Variants in NYAP2 observed in about 807,000 individuals in gnomAD.
NYAP2 encodes the protein neuronal tyrosine-phosphorylated phosphoinositide-3-kinase adapter 2.
In NYAP2, 23 loss-of-function variants were observed where a neutral mutation model predicts 50.4. The observed-to-expected ratio is 0.46, with a 90% CI of 0.33 to 0.65. NYAP2 has a LOEUF of 0.65. Among genes scored for constraint, NYAP2 ranks in the 30% least tolerant of loss-of-function variants. The pLI is 0.02. For missense variants in NYAP2, 885 were observed against 861.0 expected (o/e 1.03, Z -0.35); for synonymous variants, 394 against 365.2 (o/e 1.08, Z -0.90).
chr2:225,621,923 T>C (rs1380464935), intron 5 of NYAP2, among the ~76,000 whole-genome samples: 2 of 152,156 alleles, frequency 1.3e-5, no homozygotes, highest in African/African-American at 4.8e-5. Context: ...GCCTGTACCA[T>C]GTTGTGTTGA....
intron 3 of NYAP2, among the ~76,000 whole-genome samples, chr2:225,474,687 C>T (rs977927484): frequency 6.6e-6 from 1 of 152,230 alleles, no homozygotes; most frequent in Non-Finnish European, 1.5e-5. Context: ...CTGAAGTTGC[C>T]TATCAGCTTA....
intron 5 of NYAP2, among the ~76,000 whole-genome samples, chr2:225,618,333 C>G (rs1448238837): frequency 6.6e-6 from 1 of 152,166 alleles, no homozygotes; most frequent in Non-Finnish European, 1.5e-5. Flanking sequence ...CCTCATGTCA[C>G]CTAGTAGTCC....
intron 4 of NYAP2, among the ~76,000 whole-genome samples, chr2:225,565,130 C>CAA (rs576392809): frequency 0.08 from 10,673 of 132,814 alleles, 1,297 homozygotes; most frequent in African/African-American, 0.27. Context: ...CACTCCGTCT[C>CAA]AAAAAAAAAA....
chr2:225,582,302 G>C lies in NYAP2; in HGVS notation c.885G>C (p.Gln295His), dbSNP rs750944103. ...TCGACCATCACAGCTGTTCTTCGCA[G>C]TGTGCTACTCCCACGGTGCCTGACT... The change falls in exon 5 of 7, where the codon CAG (glutamine) becomes CAC (histidine). Residue 295 changes from glutamine to histidine, a missense_variant. By Grantham distance (24) the Gln-to-His change is conservative. Transcript: ENST00000636099. This position sits in a 1 kb window ranked among gnomAD's most constrained non-coding sequence, Gnocchi z 7.0. The C allele has an allele frequency of 1.9e-6, 3 of 1,614,030 alleles. No homozygotes were observed.
At chr2:225,502,033 T>C (rs1325781436) in intron 3 of NYAP2, among the ~76,000 whole-genome samples, 1 of 152,180 alleles carries the variant, frequency 6.6e-6, no homozygotes, top group Non-Finnish European at 1.5e-5. Context: ...TGGCATAGAA[T>C]CCAGACCTTA....
At chr2:225,660,437 A>T in the NYAP2 span, among the ~76,000 whole-genome samples, 1 of 110,926 alleles carries the variant, frequency 9.0e-6, no homozygotes, top group African/African-American at 3.0e-5. Flanking sequence ...GAGACACAGG[A>T]TACATTTTTT....
intron 4 of NYAP2, among the ~76,000 whole-genome samples, chr2:225,515,587 AT>A (rs1216462986): frequency 3.3e-5 from 5 of 152,202 alleles, no homozygotes; most frequent in African/African-American, 9.6e-5. Context: ...CTTATAACAC[AT>A]TTTTTTAAGA....
chr2:225,441,699 G>C (rs1689473715), intron 3 of NYAP2, among the ~76,000 whole-genome samples: 1 of 152,116 alleles, frequency 6.6e-6, no homozygotes. Context: ...CATGAGAACA[G>C]CATGAGAGAA....
At chr2:225,467,136 T>C (rs1403773789) in intron 3 of NYAP2, among the ~76,000 whole-genome samples, 1 of 152,108 alleles carries the variant, frequency 6.6e-6, no homozygotes, top group East Asian at 1.9e-4. Context: ...GAGGAGAACA[T>C]GCGCAGTGTG....
intron 3 of NYAP2, among the ~76,000 whole-genome samples, chr2:225,453,099 GT>G: frequency 6.6e-6 from 1 of 152,154 alleles, no homozygotes. Flanking sequence ...ATGCAACTCA[GT>G]ATGTCTTCTG....
rs1466237370 is a variant in NYAP2 at position 225,433,537 on chromosome 2, G to A, written c.221+24436G>A. ...TAAAAAAAAATTTAAAATATATATAGCAAAATATGATATTAAGTGATATGT... is the reference window on the plus strand; with the variant it reads ...TAAAAAAAAATTTAAAATATATATAACAAAATATGATATTAAGTGATATGT... On this transcript the variant is annotated intron_variant, in intron 3 of 6. Coordinates refer to ENST00000636099, the Ensembl canonical transcript of NYAP2. Among the ~76,000 whole-genome samples, 3 of 151,966 alleles carry A rather than the reference G, an allele frequency of 2.0e-5. No homozygotes were observed. In the East Asian group the frequency reaches 5.8e-4, roughly 29 times the overall value.
the NYAP2 span, chr2:225,703,033 T>C: frequency 2.6e-5 from 4 of 151,794 alleles, no homozygotes; most frequent in South Asian, 2.1e-4. Context: ...ACATTTATAG[T>C]GTAGCAACTT....
chr2:225,508,172 G>C (rs1018628472), intron 3 of NYAP2, among the ~76,000 whole-genome samples: 3 of 152,172 alleles, frequency 2.0e-5, no homozygotes, highest in Non-Finnish European at 2.9e-5. Context: ...TATGAAACTT[G>C]TTTTTATTTT....
intron 4 of NYAP2, among the ~76,000 whole-genome samples, chr2:225,557,690 G>A (rs1189358981): frequency 6.6e-6 from 1 of 152,032 alleles, no homozygotes; most frequent in Non-Finnish European, 1.5e-5. Flanking sequence ...ATTCTAATGA[G>A]GGTCACAATA....
At chr2:225,637,373 T>G (rs1022086174) in intron 6 of NYAP2, among the ~76,000 whole-genome samples, 7 of 152,322 alleles carry the variant, frequency 4.6e-5, no homozygotes, top group African/African-American at 1.7e-4. Context: ...TCTAACTTCC[T>G]GCTTGGCTCC....
intron 3 of NYAP2, among the ~76,000 whole-genome samples, chr2:225,435,379 T>A (rs570764840): frequency 6.6e-6 from 1 of 152,288 alleles, no homozygotes; most frequent in African/African-American, 2.4e-5. Flanking sequence ...TAAATACAAA[T>A]GAAAGTGAGT....
At chr2:225,482,519 C>G (rs939664286) in intron 3 of NYAP2, among the ~76,000 whole-genome samples, 2 of 152,146 alleles carry the variant, frequency 1.3e-5, no homozygotes, top group African/African-American at 2.4e-5. Context: ...GAAAGTACTG[C>G]TACTAATGAT....
chr2:225,415,977 G>A (rs1029129764), intron 3 of NYAP2, among the ~76,000 whole-genome samples: 1 of 152,114 alleles, frequency 6.6e-6, no homozygotes, highest in Non-Finnish European at 1.5e-5. Context: ...GATCTGATCT[G>A]ATGTGAATTT....
At chr2:225,609,584 C>G (rs1329578361) in intron 5 of NYAP2, among the ~76,000 whole-genome samples, 13 of 152,070 alleles carry the variant, frequency 8.5e-5, no homozygotes, top group Admixed American at 7.9e-4. Flanking sequence ...GATAGAGGCT[C>G]TAGATGGGCA....
Sources: gnomAD v4.1 joint callset for allele counts (sites outside exome capture counted in the v4.1 genomes callset) on GRCh38, gnomAD v4.1.1 for gene constraint, Gnocchi (gnomAD v3.1) non-coding constraint, MANE v1.5 for transcripts, NCBI Gene and HGNC (gene_info 2026-07-23, HGNC 2026-07-21) for gene names.